Variants in NFILZ observed in about 807,000 individuals in gnomAD.
The protein encoded by NFILZ is NFIL3 like basic leucine zipper.
rs565445058 is a variant in NFILZ, at chr19:8,669,031, A to T, written c.-163-5520A>T. On this transcript the variant is annotated intron_variant, in intron 3 of 5. Transcript: ENST00000691075. ...GCAATCTCGGCTCACTGCAACCTCCATCTCCAGGCTCAAGTGATTCTCCTG... is the reference window on the plus strand; with the variant it reads ...GCAATCTCGGCTCACTGCAACCTCCTTCTCCAGGCTCAAGTGATTCTCCTG... 5.3e-5 allele frequency among the ~76,000 whole-genome samples: 8 copies of T among 152,258 alleles called. No homozygotes were observed. In the East Asian group the frequency reaches 1.5e-3, roughly 29 times the overall value.
intron 2 of NFILZ, among the ~76,000 whole-genome samples, chr19:8,633,388 G>A (rs1296908909): frequency 2.0e-5 from 3 of 152,030 alleles, no homozygotes; most frequent in South Asian, 2.1e-4. Context: ...TCTTTCTTGC[G>A]GGGGACCTAA....
intron 3 of NFILZ, among the ~76,000 whole-genome samples, chr19:8,647,789 GCGCGCGCACACACACACACACA>G (rs782717509): frequency 4.6e-5 from 5 of 107,934 alleles, no homozygotes; most frequent in Non-Finnish European, 5.5e-5. Context: ...GCGCGCGCGC[GCGCGCGCACACACACACACACA>G]CACACACACA....
At chr19:8,656,310 G>GAAGCC (rs1600147329) in intron 3 of NFILZ, among the ~76,000 whole-genome samples, 14 of 38,792 alleles carry the variant, frequency 3.6e-4, no homozygotes, top group Non-Finnish European at 6.9e-4. Context: ...CTCCCGCAGC[G>GAAGCC]CACCTCCTCC....
intron 3 of NFILZ, among the ~76,000 whole-genome samples, chr19:8,669,051 C>T (rs1051828221): frequency 1.3e-5 from 2 of 152,322 alleles, no homozygotes; most frequent in African/African-American, 4.8e-5. Flanking sequence ...TCAAGTGATT[C>T]TCCTGCCTCA....
intron 3 of NFILZ, among the ~76,000 whole-genome samples, chr19:8,662,951 CTTT>C (rs139212687): frequency 1.5e-3 from 216 of 140,700 alleles, no homozygotes; most frequent in African/African-American, 5.4e-3. Context: ...TTTCTTTTTC[CTTT>C]TTTTTTTTTA....
chr19:8,634,205 C>T (rs2146133749), intron 2 of NFILZ, among the ~76,000 whole-genome samples: 1 of 152,106 alleles, frequency 6.6e-6, no homozygotes, highest in Non-Finnish European at 1.5e-5. Flanking sequence ...ACCATGTTGG[C>T]CAGGCTGGTC....
intron 3 of NFILZ, among the ~76,000 whole-genome samples, chr19:8,661,760 C>G (rs576224392): frequency 6.6e-6 from 1 of 151,990 alleles, no homozygotes; most frequent in Non-Finnish European, 1.5e-5. Context: ...GGCATGGTGG[C>G]GTGCGTCTGT....
chr19:8,649,766 T>G (rs1469822814), intron 3 of NFILZ, among the ~76,000 whole-genome samples: 1 of 152,074 alleles, frequency 6.6e-6, no homozygotes, highest in East Asian at 1.9e-4. Context: ...TCTGCTTTTA[T>G]CATTCACATA....
At chr19:8,652,361 C>T (rs1213300364) in intron 3 of NFILZ, among the ~76,000 whole-genome samples, 1 of 152,136 alleles carries the variant, frequency 6.6e-6, no homozygotes, top group African/African-American at 2.4e-5. Flanking sequence ...CCTCGGCCTC[C>T]CAAAGTGCTG....
chr19:8,635,520 T>C (rs1555746015), intron 2 of NFILZ, 130 bp from the exon 3 acceptor site: 1 of 152,078 alleles, frequency 6.6e-6, no homozygotes, highest in African/African-American at 2.4e-5. Context: ...TTTTGGCGCA[T>C]ACTTCTTCCA....
At chr19:8,640,760 G>T (rs188487445) in intron 3 of NFILZ, among the ~76,000 whole-genome samples, 1 of 152,178 alleles carries the variant, frequency 6.6e-6, no homozygotes, top group Admixed American at 6.6e-5. Flanking sequence ...TGCTTTCTCA[G>T]GGTGTGGATA....
rs1030756596 is a variant in NFILZ, at chr19:8,680,365, A to G, written c.*2730A>G. The stretch of plus-strand genomic sequence containing the variant: ...TTTGCTTATTTAGCAAATTTTCTTG[A>G]TCATAAGTTTCTCATTGTTTCATTT... On this transcript the variant is annotated 3_prime_UTR_variant, in exon 6 of 6. Coordinates refer to ENST00000691075, the MANE Select transcript of NFILZ (RefSeq NM_001378600.1). Among the ~76,000 whole-genome samples, 75 of 151,942 alleles carry G rather than the reference A, an allele frequency of 4.9e-4. No individual in the cohort carries two copies. Among genetic ancestry groups the G allele is most frequent in the East Asian group, 1.9e-4 (1 of 5,154 alleles).
chr19:8,651,775 C>T (rs2042965853), intron 3 of NFILZ, among the ~76,000 whole-genome samples: 1 of 152,038 alleles, frequency 6.6e-6, no homozygotes, highest in Non-Finnish European at 1.5e-5. Context: ...TCAAGTGATC[C>T]TCCCTCTGCG....
Position 8,679,871 on chromosome 19 carries a change from G to A in NFILZ, c.*2236G>A, listed in dbSNP as rs147727277. 7.4e-4 allele frequency among the ~76,000 whole-genome samples: 112 copies of A among 152,242 alleles called. No individual in the cohort carries two copies. In the East Asian group the frequency reaches 0.016, roughly 22 times the overall value. ...AGTAAATAAATTGCCCGGTATAGGG[G>A]CTTCTCTGGACTGTTTTATCTTCAT... On this transcript the variant is annotated 3_prime_UTR_variant, in exon 6 of 6. Transcript: ENST00000691075.
At chr19:8,646,679 C>T (rs546574410) in intron 3 of NFILZ, among the ~76,000 whole-genome samples, 4 of 152,280 alleles carry the variant, frequency 2.6e-5, no homozygotes, top group Admixed American at 2.0e-4. Context: ...TATCACTTCC[C>T]GTCCTGTCTC....
chr19:8,678,077 AATCCATCCATCCATTCCATCC>A lies in NFILZ; in HGVS notation c.*457_*477del, dbSNP rs2043122230. 3.3e-4 allele frequency among the ~76,000 whole-genome samples: 2 copies of A among 6,108 alleles called. No individual in the cohort carries two copies. The highest frequency in any genetic ancestry group is 6.2e-4 in the Non-Finnish European group (2 of 3,220). The allele number at this position is 6,108 out of a possible 152,430, so 4.0% of individuals were successfully genotyped here. ...CCACCCATCTATTCATCCATCCATC[AATCCATCCATCCATTCCATCC>A]ATCCATCCATCCATCCATCCATCCA... is the stretch of plus-strand genomic sequence containing the variant. On this transcript the variant is annotated 3_prime_UTR_variant, in exon 6 of 6. Coordinates refer to ENST00000691075, the MANE Select transcript of NFILZ (RefSeq NM_001378600.1).
At chr19:8,663,764 G>GTGTA (rs2043048349) in intron 3 of NFILZ, among the ~76,000 whole-genome samples, 2 of 33,096 alleles carry the variant, frequency 6.0e-5, no homozygotes, top group Non-Finnish European at 7.0e-5. Context: ...GTGTGTGTGT[G>GTGTA]TGTGTGTATG....
chr19:8,660,692 C>T (rs1346540923), intron 3 of NFILZ, among the ~76,000 whole-genome samples: 6 of 143,038 alleles, frequency 4.2e-5, no homozygotes, highest in African/African-American at 1.3e-4. Flanking sequence ...GGTTGGAGTT[C>T]GATGGTGCAG....
intron 3 of NFILZ, among the ~76,000 whole-genome samples, chr19:8,666,613 C>T (rs976993988): frequency 3.3e-5 from 5 of 152,140 alleles, no homozygotes; most frequent in Non-Finnish European, 7.4e-5. Flanking sequence ...GTCAGTATCC[C>T]ATGGCCAATA....
Sources: allele counts gnomAD v4.1 joint callset (sites outside exome capture counted in the v4.1 genomes callset), GRCh38; gene constraint gnomAD v4.1.1; transcripts MANE v1.5; gene names NCBI Gene and HGNC (gene_info 2026-07-23, HGNC 2026-07-21).